UMAD1: variants seen among roughly 807,000 people sequenced by gnomAD.
UMAD1 encodes UBAP1-MVB12-associated (UMA)-domain containing protein 1.
Under a neutral mutation model 6.1 loss-of-function variants are expected in UMAD1, and 8 were observed. The observed-to-expected ratio is 1.30, with a 90% CI of 0.76 to 2.35. The LOEUF (loss-of-function observed/expected upper bound fraction) is 2.35, where lower values mean the gene tolerates loss of function less well. UMAD1 is among the 30% of genes most tolerant of loss of function. The pLI, the probability that UMAD1 is intolerant of heterozygous loss-of-function variation, is 0.00. For missense variants in UMAD1, 130 were observed against 78.4 expected (o/e 1.66, Z -2.49); for synonymous variants, 56 against 31.4 (o/e 1.78, Z -2.61).
chr7:7,820,027 T>A (rs1188947725), intron 3 of UMAD1, among the ~76,000 whole-genome samples: 1 of 152,228 alleles, frequency 6.6e-6, no homozygotes, highest in South Asian at 2.1e-4. Context: ...ACTTTGGGGT[T>A]GAAGGCTACA....
rs576192986 is a variant in UMAD1, at chr7:7,656,023, C to T, written c.-64+15202C>T. Among the ~76,000 whole-genome samples, 25 of 152,026 alleles carry T rather than the reference C, an allele frequency of 1.6e-4. No individual in the cohort carries two copies. The East Asian group carries it at 3.7e-3, about 22-fold the overall frequency. ...GCTAATTTTGTATTTTTAGTAGAGA[C>T]GGGGTTTCTCCATGTTGGTCAGGCT... is the stretch of plus-strand genomic sequence containing the variant. On this transcript the variant is annotated intron_variant, in intron 1 of 3. Coordinates refer to ENST00000682710, the MANE Select transcript of UMAD1 (RefSeq NM_001302348.2).
At chr7:7,712,744 C>A (rs148529718) in intron 2 of UMAD1, among the ~76,000 whole-genome samples, 191 of 152,256 alleles carry the variant, frequency 1.3e-3, no homozygotes, top group Non-Finnish European at 2.0e-3. Context: ...CTTTTCCCCA[C>A]TTTTGATTGT....
At chr7:7,740,288 A>C (rs1044617338) in intron 2 of UMAD1, among the ~76,000 whole-genome samples, 2 of 152,236 alleles carry the variant, frequency 1.3e-5, no homozygotes, top group Admixed American at 6.5e-5. Context: ...AGCACCTCCA[A>C]GGATGTATTG....
chr7:7,809,174 A>C (rs940427282), intron 3 of UMAD1, among the ~76,000 whole-genome samples: 1 of 151,978 alleles, frequency 6.6e-6, no homozygotes, highest in East Asian at 1.9e-4. Flanking sequence ...TAGGGGCATG[A>C]TATTTCTAGT....
At chr7:7,872,099 A>T (rs537659610) in intron 3 of UMAD1, among the ~76,000 whole-genome samples, 14 of 152,114 alleles carry the variant, frequency 9.2e-5, no homozygotes, top group African/African-American at 2.9e-4. Flanking sequence ...AAAAAATAAA[A>T]AATAAAAAAA....
At chr7:7,683,259 A>G (rs1779956965) in intron 2 of UMAD1, among the ~76,000 whole-genome samples, 1 of 152,176 alleles carries the variant, frequency 6.6e-6, no homozygotes, top group Admixed American at 6.6e-5. Context: ...GGGGATACTT[A>G]GAAAAAAATA....
rs1378717055 is a variant in UMAD1, at chr7:7,802,985, A to C, written c.156+1242A>C. Among the ~76,000 whole-genome samples the C allele has an allele frequency of 2.6e-5, 4 of 152,238 alleles. No individual in the cohort carries two copies. In the East Asian group the frequency reaches 7.7e-4, roughly 29 times the overall value. On this transcript the variant is annotated intron_variant, in intron 3 of 3. Coordinates refer to ENST00000682710, the MANE Select transcript of UMAD1 (RefSeq NM_001302348.2). ...ATGTGATATAGGAAGTAAATTCATG[A>C]GGAGGAAGAAAATCATCTTTCTCAT...
intron 2 of UMAD1, among the ~76,000 whole-genome samples, chr7:7,694,163 G>A (rs1019671539): frequency 3.3e-5 from 5 of 152,056 alleles, no homozygotes; most frequent in African/African-American, 1.2e-4. Context: ...AAGGAATGAA[G>A]CATGTTTTCT....
At chr7:7,665,592 T>A (rs1032133663) in intron 1 of UMAD1, among the ~76,000 whole-genome samples, 1 of 152,216 alleles carries the variant, frequency 6.6e-6, no homozygotes, top group African/African-American at 2.4e-5. Flanking sequence ...TGTGTGCTTA[T>A]ACTGCTGAAA....
At chr7:7,715,649 A>G (rs1453479086) in intron 2 of UMAD1, among the ~76,000 whole-genome samples, 1 of 152,230 alleles carries the variant, frequency 6.6e-6, no homozygotes, top group Non-Finnish European at 1.5e-5. Flanking sequence ...AAATGAAAAT[A>G]AAGATCCACA....
chr7:7,862,738 A>G (rs17562004), intron 3 of UMAD1, among the ~76,000 whole-genome samples: 37,044 of 152,184 alleles, frequency 0.24, 5,533 homozygotes, highest in Non-Finnish European at 0.33. Flanking sequence ...ATAGCGGCAC[A>G]GTCTTTATTT....
intron 1 of UMAD1, among the ~76,000 whole-genome samples, chr7:7,662,339 C>T (rs915627277): frequency 6.6e-6 from 1 of 152,104 alleles, no homozygotes; most frequent in African/African-American, 2.4e-5. Context: ...TGCTGGCGTT[C>T]TAGGGGCCAG....
At position 7,833,056 on chromosome 7, in the gene UMAD1, T is replaced by C. The variant is rs988948074; in HGVS notation, c.156+31313T>C. Among the ~76,000 whole-genome samples, 5 of 152,208 alleles carry C rather than the reference T, an allele frequency of 3.3e-5. No individual in the cohort carries two copies. In the East Asian group the frequency reaches 7.7e-4, roughly 24 times the overall value. On this transcript the variant is annotated intron_variant, in intron 3 of 3. Coordinates refer to ENST00000682710, the MANE Select transcript of UMAD1 (RefSeq NM_001302348.2). ...TGTAGTTATCTTGCAAAGGAAGGGA[T>C]AGGAGATGAGACTGGAAAGGCAGCT...
At chr7:7,659,502 A>G (rs6942487) in intron 1 of UMAD1, among the ~76,000 whole-genome samples, 141,563 of 152,278 alleles carry the variant, frequency 0.93, 65,874 homozygotes, top group African/African-American at 0.98. Flanking sequence ...CTGGTACCTT[A>G]TATTTTTGTT....
chr7:7,681,817 T>C (rs1207419419), intron 2 of UMAD1, among the ~76,000 whole-genome samples: 1 of 152,172 alleles, frequency 6.6e-6, no homozygotes, highest in East Asian at 1.9e-4. Flanking sequence ...ATTACAAATT[T>C]ACTAGTGTAG....
intron 3 of UMAD1, among the ~76,000 whole-genome samples, chr7:7,824,036 T>C (rs1368342755): frequency 1.3e-5 from 2 of 152,146 alleles, no homozygotes; most frequent in Non-Finnish European, 2.9e-5. Context: ...AAAGTGACTA[T>C]TCCAAACAAC....
At chr7:7,741,381 C>A (rs1445328696) in intron 2 of UMAD1, among the ~76,000 whole-genome samples, 2 of 151,860 alleles carry the variant, frequency 1.3e-5, no homozygotes, top group Admixed American at 1.3e-4. Context: ...ACCATCCTGG[C>A]TAACACAGTG....
intron 2 of UMAD1, among the ~76,000 whole-genome samples, chr7:7,699,402 A>G (rs1262801053): frequency 6.6e-6 from 1 of 152,200 alleles, no homozygotes; most frequent in Non-Finnish European, 1.5e-5. Flanking sequence ...GAATTTTGTA[A>G]GAATTTTTGA....
At chr7:7,874,924 T>C (rs945072652) in intron 3 of UMAD1, among the ~76,000 whole-genome samples, 1 of 152,072 alleles carries the variant, frequency 6.6e-6, no homozygotes, top group Non-Finnish European at 1.5e-5. Flanking sequence ...ATTTAGCAAG[T>C]TACACCCTTA....
Sources: allele counts gnomAD v4.1 joint callset (sites outside exome capture counted in the v4.1 genomes callset), GRCh38; gene constraint gnomAD v4.1.1; transcripts MANE v1.5; gene names NCBI Gene and HGNC (gene_info 2026-07-23, HGNC 2026-07-21).